Variants in HAT1 observed in about 807,000 individuals in gnomAD.
HAT1 encodes histone acetyltransferase 1.
Under a neutral mutation model 56.6 loss-of-function variants are expected in HAT1, and 20 were observed. The ratio of observed to expected loss-of-function variants is 0.35; its 90% CI spans 0.25 to 0.51. HAT1 has a LOEUF of 0.51. Ranked by LOEUF, HAT1 falls within the 20% of genes least tolerant of loss-of-function variation. The probability of loss-of-function intolerance (pLI) is 0.95; values close to 1 mark genes in which losing one functional copy is unlikely to be tolerated. For synonymous variants in HAT1, 146 were observed against 165.5 expected, an observed-to-expected ratio of 0.88 and a Z score of 0.91; for missense variants, 408 against 504.3, an observed-to-expected ratio of 0.81 and a Z score of 1.83.
chr2:171,975,136 ACT>A (rs1277787705), intron 8 of HAT1, among the ~76,000 whole-genome samples: 3 of 144,060 alleles, frequency 2.1e-5, no homozygotes, highest in African/African-American at 7.8e-5. Flanking sequence ...ATGGAGTCTC[ACT>A]CTGTTGCCCA....
At chr2:171,929,312 A>G (rs1686679382) in intron 2 of HAT1, among the ~76,000 whole-genome samples, 1 of 151,526 alleles carries the variant, frequency 6.6e-6, no homozygotes, top group South Asian at 2.1e-4. Flanking sequence ...AAATTAGGTT[A>G]TTTGTCTTTT....
intron 4 of HAT1, among the ~76,000 whole-genome samples, chr2:171,957,624 A>G (rs1391681793): frequency 6.6e-6 from 1 of 152,216 alleles, no homozygotes; most frequent in East Asian, 1.9e-4. Context: ...ATGTTTGGAT[A>G]GAATGAATGT....
intron 8 of HAT1, among the ~76,000 whole-genome samples, chr2:171,974,391 T>C (rs1370202803): frequency 1.3e-5 from 2 of 152,184 alleles, no homozygotes; most frequent in African/African-American, 4.8e-5. Context: ...TTGATTGTTT[T>C]AGTATGTAGA....
At chr2:171,927,270 G>C (rs560168289) in intron 2 of HAT1, among the ~76,000 whole-genome samples, 2 of 152,308 alleles carry the variant, frequency 1.3e-5, no homozygotes, top group East Asian at 3.9e-4. Context: ...CATGATTCCT[G>C]GTTGCATTAC....
chr2:171,966,994 G>C (rs1687697918), intron 8 of HAT1, 45 bp downstream of exon 8: 1 of 816,190 alleles, frequency 1.2e-6, no homozygotes, highest in Admixed American at 2.2e-5. Context: ...TTCTAAAAAT[G>C]TCTTCTTACT....
intron 2 of HAT1, among the ~76,000 whole-genome samples, chr2:171,939,513 A>C (rs1182289899): frequency 6.6e-6 from 1 of 152,184 alleles, no homozygotes; most frequent in East Asian, 1.9e-4. Flanking sequence ...TTTCTAAAAG[A>C]AATCTCTGGA....
At position 171,965,374 on chromosome 2, in the gene HAT1, C is replaced by T. The variant is rs938001426; in HGVS notation, c.346C>T (p.Pro116Ser). The T allele has an allele frequency of 3.7e-6, 6 of 1,609,542 alleles. No individual in the cohort carries two copies. In the African/African-American group the frequency reaches 6.7e-5, roughly 18 times the overall value. Residue 116 changes from proline (P) to serine (S), a missense_variant, in exon 5 of 11, where the codon CCA (proline) becomes TCA (serine). Physicochemically the swap from Pro to Ser is moderately conservative, Grantham distance 74. Transcript: ENST00000264108. ...TGAGGGCAAAATTAGACAAATCATT[C>T]CACCTGGATTTTGCACAAACACGAA... ...DVEGKIRQII[P>S]PGFCTNTNDF...
chr2:171,950,105 TC>T (rs1296276862), intron 3 of HAT1, among the ~76,000 whole-genome samples: 2 of 152,152 alleles, frequency 1.3e-5, no homozygotes, highest in Admixed American at 6.6e-5. Flanking sequence ...ATGTCTTTTT[TC>T]CCCCCATGCA....
intron 4 of HAT1, among the ~76,000 whole-genome samples, chr2:171,963,275 G>A (rs779047795): frequency 5.3e-5 from 8 of 151,126 alleles, no homozygotes; most frequent in African/African-American, 1.2e-4. Flanking sequence ...CCTTTGCCCC[G>A]TAAAAATTCT....
chr2:171,950,625 T>C (rs1687284995), intron 3 of HAT1, among the ~76,000 whole-genome samples: 1 of 152,016 alleles, frequency 6.6e-6, no homozygotes, highest in South Asian at 2.1e-4. Context: ...TGCCTCAGCT[T>C]CTCGAGTAGG....
chr2:171,948,907 T>C (rs751343701), intron 3 of HAT1, among the ~76,000 whole-genome samples: 1 of 152,176 alleles, frequency 6.6e-6, no homozygotes, highest in Non-Finnish European at 1.5e-5. Context: ...TTGGGTCACT[T>C]GGTTTAGAGG....
At chr2:171,923,705 C>A (rs1686503834) in intron 1 of HAT1, 1 of 152,192 alleles carries the variant, frequency 6.6e-6, no homozygotes, top group Admixed American at 6.5e-5. Flanking sequence ...AAGGACTTTT[C>A]TACCAGATGG....
intron 3 of HAT1, among the ~76,000 whole-genome samples, chr2:171,948,829 A>G (rs1003898924): frequency 5.3e-5 from 8 of 152,184 alleles, no homozygotes; most frequent in African/African-American, 1.7e-4. Flanking sequence ...CAGAAATGGT[A>G]TTGTGTCCTC....
chr2:171,967,372 T>A (rs1411345318), intron 8 of HAT1, among the ~76,000 whole-genome samples: 1 of 152,170 alleles, frequency 6.6e-6, no homozygotes, highest in Non-Finnish European at 1.5e-5. Flanking sequence ...GAATACACAT[T>A]TCCTAAAGTG....
intron 2 of HAT1, among the ~76,000 whole-genome samples, chr2:171,942,399 AT>A (rs988193317): frequency 4.6e-5 from 7 of 152,022 alleles, no homozygotes; most frequent in African/African-American, 1.5e-4. Context: ...TTCTTCTAGT[AT>A]TTTTTTATTA....
At chr2:171,923,324 C>T (rs1270336280) in intron 1 of HAT1, 1 of 152,064 alleles carries the variant, frequency 6.6e-6, no homozygotes, top group African/African-American at 2.4e-5. Flanking sequence ...TGGAGTGCAG[C>T]GATCATAGTT....
chr2:171,958,683 G>A (rs1687506459), intron 4 of HAT1, among the ~76,000 whole-genome samples: 1 of 152,056 alleles, frequency 6.6e-6, no homozygotes, highest in South Asian at 2.1e-4. Flanking sequence ...ATACCATATT[G>A]GTAAGCTTGA....
Position 171,952,068 on chromosome 2 carries a change from A to T in HAT1, c.189-813A>T, listed in dbSNP as rs150858536. On this transcript the variant is annotated intron_variant, in intron 3 of 10. Coordinates refer to ENST00000264108, the MANE Select transcript of HAT1 (RefSeq NM_003642.4). ...AGAATACAGCTTTATTGAGATATAT[A>T]CTGTGCAATTCATTTATTTAAAGTG... Among the ~76,000 whole-genome samples, 84 of 152,330 alleles carry T rather than the reference A, an allele frequency of 5.5e-4. 2 individuals are homozygous for T. In the East Asian group the frequency reaches 0.016, roughly 29 times the overall value.
intron 2 of HAT1, among the ~76,000 whole-genome samples, chr2:171,931,028 C>T (rs1258532442): frequency 1.3e-5 from 2 of 152,070 alleles, no homozygotes; most frequent in African/African-American, 4.8e-5. Context: ...CCATTGGTAT[C>T]TTCAGGGATT....
Sources: allele counts gnomAD v4.1 joint callset (sites outside exome capture counted in the v4.1 genomes callset), GRCh38; gene constraint gnomAD v4.1.1; transcripts MANE v1.5; gene names NCBI Gene and HGNC (gene_info 2026-07-23, HGNC 2026-07-21).